Variants in DENND1B observed in about 807,000 individuals in gnomAD.
The protein encoded by DENND1B is DENN domain containing 1B.
DENND1B carries 59 observed loss-of-function variants against 90.1 expected under a neutral mutation model. That is an observed-to-expected ratio of 0.65 (90% CI 0.53 to 0.81). The LOEUF is 0.81. Ranked by LOEUF, DENND1B falls within the 40% of genes least tolerant of loss-of-function variation. The pLI is 0.00. For synonymous variants in DENND1B, 337 were observed against 324.6 expected (o/e 1.04, Z -0.41); for missense variants, 862 against 912.6 (o/e 0.94, Z 0.71).
At chr1:197,596,570 C>A (rs908534327) in intron 13 of DENND1B, among the ~76,000 whole-genome samples, 1 of 151,890 alleles carries the variant, frequency 6.6e-6, no homozygotes, top group East Asian at 1.9e-4. Context: ...ACAAAATAGT[C>A]ATTTCTCCTT....
chr1:197,748,004 A>T (rs1201523852), intron 2 of DENND1B, among the ~76,000 whole-genome samples: 2 of 152,166 alleles, frequency 1.3e-5, no homozygotes, highest in African/African-American at 4.8e-5. Context: ...TAAAATCTCA[A>T]ACTCTACACA....
At chr1:197,552,941 T>C in intron 16 of DENND1B, 81 bp downstream of exon 16, 1 of 1,534,660 alleles carries the variant, frequency 6.5e-7, no homozygotes, top group South Asian at 1.3e-5. Flanking sequence ...GTTTATGAAA[T>C]AGGTTTTATC....
intron 15 of DENND1B, among the ~76,000 whole-genome samples, chr1:197,575,253 A>AC (rs1673563616): frequency 2.6e-5 from 4 of 151,792 alleles, no homozygotes; most frequent in Non-Finnish European, 4.4e-5. Flanking sequence ...GAAAAAAAAA[A>AC]ACCATTAAAA....
intron 20 of DENND1B, among the ~76,000 whole-genome samples, chr1:197,537,665 G>A (rs575604711): frequency 2.4e-4 from 36 of 151,834 alleles, no homozygotes; most frequent in Non-Finnish European, 2.8e-4. Context: ...TGTTATACAC[G>A]TTAAATATAT....
chr1:197,721,583 G>A (rs1661186277), intron 2 of DENND1B, among the ~76,000 whole-genome samples: 1 of 151,882 alleles, frequency 6.6e-6, no homozygotes, highest in Admixed American at 6.6e-5. Flanking sequence ...AGTGGGCAGG[G>A]GAGAACATTC....
At chr1:197,694,811 T>C (rs1398297115) in intron 3 of DENND1B, among the ~76,000 whole-genome samples, 1 of 151,248 alleles carries the variant, frequency 6.6e-6, no homozygotes, top group Non-Finnish European at 1.5e-5. Flanking sequence ...GCCATAAAAA[T>C]AGATATAAAA....
chr1:197,731,457 G>C (rs1251330691), intron 2 of DENND1B, among the ~76,000 whole-genome samples: 1 of 152,046 alleles, frequency 6.6e-6, no homozygotes, highest in Non-Finnish European at 1.5e-5. Context: ...AAAAGAGTTG[G>C]GGGATTATCA....
intron 5 of DENND1B, among the ~76,000 whole-genome samples, chr1:197,659,692 G>A (rs1388340674): frequency 1.3e-5 from 2 of 151,868 alleles, no homozygotes; most frequent in African/African-American, 2.4e-5. Flanking sequence ...ACTAACAGCA[G>A]AAAAGAGTAA....
chr1:197,642,666 G>T, intron 10 of DENND1B, 45 bp downstream of exon 10: 2 of 1,422,464 alleles, frequency 1.4e-6, no homozygotes, highest in South Asian at 2.5e-5. Context: ...GTCTTTTTGT[G>T]AAACACTCAA....
At chr1:197,642,593 A>T in intron 10 of DENND1B, 118 bp downstream of exon 10, 1 of 589,622 alleles carries the variant, frequency 1.7e-6, no homozygotes, top group Non-Finnish European at 2.8e-6. Context: ...TACATCAAAA[A>T]CGTATGTAGA....
intron 18 of DENND1B, 197 bp downstream of exon 18, chr1:197,545,724 AT>A (rs1406472014): frequency 4.2e-6 from 2 of 478,840 alleles, no homozygotes; most frequent in Non-Finnish European, 7.3e-6. Flanking sequence ...CCATTTTTAG[AT>A]TATATAAAAG....
intron 5 of DENND1B, among the ~76,000 whole-genome samples, chr1:197,668,379 G>T (rs529472869): frequency 4.9e-4 from 75 of 151,670 alleles, no homozygotes; most frequent in African/African-American, 1.6e-3. Context: ...CATTCTGGTG[G>T]GAAAGAAGGG....
intron 15 of DENND1B, among the ~76,000 whole-genome samples, chr1:197,554,100 T>TACACACACAC (rs4026509): frequency 2.9e-5 from 4 of 139,986 alleles, no homozygotes; most frequent in African/African-American, 5.4e-5. Context: ...TCAATGATTA[T>TACACACACAC]ACACACACAC....
intron 2 of DENND1B, among the ~76,000 whole-genome samples, chr1:197,718,801 T>G (rs1375160423): frequency 6.6e-6 from 1 of 152,054 alleles, no homozygotes; most frequent in African/African-American, 2.4e-5. Flanking sequence ...CAGAATACCT[T>G]TTAGAAACTG....
intron 15 of DENND1B, among the ~76,000 whole-genome samples, chr1:197,554,040 C>T (rs921507839): frequency 2.7e-5 from 4 of 150,674 alleles, no homozygotes; most frequent in Admixed American, 1.3e-4. Context: ...ATTAATGCTG[C>T]ATTTGAAAAG....
intron 5 of DENND1B, among the ~76,000 whole-genome samples, chr1:197,669,128 A>G (rs1655233907): frequency 6.6e-6 from 1 of 152,160 alleles, no homozygotes; most frequent in Non-Finnish European, 1.5e-5. Context: ...GGTTGTAAAT[A>G]TATTTCCACC....
intron 2 of DENND1B, among the ~76,000 whole-genome samples, chr1:197,769,074 T>G (rs1453247559): frequency 6.6e-6 from 1 of 152,152 alleles, no homozygotes; most frequent in African/African-American, 2.4e-5. Flanking sequence ...GACTTACCTA[T>G]GAAAAATGAA....
chr1:197,660,904 T>C (rs1374036295), intron 5 of DENND1B, among the ~76,000 whole-genome samples: 1 of 152,002 alleles, frequency 6.6e-6, no homozygotes, highest in African/African-American at 2.4e-5. Flanking sequence ...TACACGGATG[T>C]AGGAGGCAAG....
intron 3 of DENND1B, among the ~76,000 whole-genome samples, chr1:197,694,109 GA>G (rs1658190794): frequency 6.6e-6 from 1 of 151,180 alleles, no homozygotes. Flanking sequence ...TTAATAATGT[GA>G]AAGGGGGAAG....
Sources: gnomAD v4.1 joint callset for allele counts (sites outside exome capture counted in the v4.1 genomes callset) on GRCh38, gnomAD v4.1.1 for gene constraint, MANE v1.5 for transcripts, NCBI Gene and HGNC (gene_info 2026-07-23, HGNC 2026-07-21) for gene names.